Variants in KCNQ1OT1 observed in about 807,000 individuals in gnomAD.
KCNQ1OT1 encodes KCNQ1 opposite strand/antisense transcript 1, also known as KCNQ1 antisense RNA 2 (non-protein coding).
chr11:2,666,693 T>G (rs910808404), exon 1 of KCNQ1OT1: 14 of 398,592 alleles, frequency 3.5e-5, no homozygotes, highest in Non-Finnish European at 5.3e-5. Flanking sequence ...TGGGACATTT[T>G]GGAGACATCC....
At chr11:2,693,786 C>G in exon 1 of KCNQ1OT1, 1 of 398,806 alleles carries the variant, frequency 2.5e-6, no homozygotes, top group Non-Finnish European at 4.4e-6. Context: ...CCGGCCAGTT[C>G]AGAGGAGCAT....
exon 1 of KCNQ1OT1, chr11:2,619,342 G>A: frequency 2.5e-6 from 1 of 398,498 alleles, no homozygotes; most frequent in Admixed American, 4.4e-5. Flanking sequence ...ATATTGAGGA[G>A]TGTTCCTTCT....
At position 2,664,887 on chromosome 11, in the gene KCNQ1OT1, G is replaced by A; in HGVS notation, n.35108C>T. 2.5e-6 allele frequency: 1 copy of A among 398,630 alleles called. No homozygotes were observed. Among genetic ancestry groups the A allele is most frequent in the Non-Finnish European group, 4.4e-6 (1 of 226,074 alleles). 24.7% of individuals were successfully genotyped at this position (398,630 alleles called of 1,614,324 possible). On this transcript the variant is annotated non_coding_transcript_exon_variant, in exon 1 of 1. Coordinates refer to ENST00000597346, the Ensembl canonical transcript of KCNQ1OT1. This position sits in a 1 kb window ranked among gnomAD's most constrained non-coding sequence, Gnocchi z 5.1. ...AATTCAAATTAAAAACATAAATAAA[G>A]ACACATTTTGTTTCCATCTCGAGCT...
At position 2,679,079 on chromosome 11, in the gene KCNQ1OT1, A is replaced by C; in HGVS notation, n.20916T>G. Reference sequence around the variant, plus strand: ...CACCAAAAAAACCCACTAACACCATAAAGTGTCATAGCTAGAGCTAGAGTG... The same window carrying C: ...CACCAAAAAAACCCACTAACACCATCAAGTGTCATAGCTAGAGCTAGAGTG... On this transcript the variant is annotated non_coding_transcript_exon_variant, in exon 1 of 1. Transcript: ENST00000597346. The surrounding 1 kb of genome is among the most constrained non-coding windows in gnomAD (Gnocchi z 4.8). The C allele has an allele frequency of 2.5e-6, 1 of 398,654 alleles. No homozygotes were observed. Among genetic ancestry groups the C allele is most frequent in the Non-Finnish European group, 4.4e-6 (1 of 226,076 alleles). 24.7% of individuals were successfully genotyped at this position (398,654 alleles called of 1,614,324 possible). A position where few individuals can be genotyped will look rare whatever the true frequency, so the allele number is the denominator to read the frequency against.
exon 1 of KCNQ1OT1, chr11:2,656,920 C>G: frequency 2.5e-6 from 1 of 398,598 alleles, no homozygotes; most frequent in East Asian, 3.6e-5. Flanking sequence ...AATTAAGGGT[C>G]CAACTTAATG....
exon 1 of KCNQ1OT1, chr11:2,637,533 A>C (rs1849493718): frequency 1.3e-5 from 2 of 152,222 alleles, no homozygotes; most frequent in Admixed American, 1.3e-4. Context: ...GTTTGATTGC[A>C]CTGTGGTCTG....
rs190609502 is a variant in KCNQ1OT1, at chr11:2,659,829, A to G, written n.40166T>C. 2.5e-5 allele frequency: 10 copies of G among 398,250 alleles called. No homozygotes were observed. In the Admixed American group the frequency reaches 2.6e-4, roughly 11 times the overall value. The allele number at this position is 398,250 out of a possible 1,614,324, so 24.7% of individuals were successfully genotyped here. On this transcript the variant is annotated non_coding_transcript_exon_variant, in exon 1 of 1. Coordinates refer to ENST00000597346, the Ensembl canonical transcript of KCNQ1OT1. This position sits in a 1 kb window ranked among gnomAD's most constrained non-coding sequence, Gnocchi z 4.3. ...TTGTGATTCTAATTTGCATTTCCAT[A>G]TTTATGTTAATTATGTATCTTTTCA...
chr11:2,680,704 TA>T, exon 1 of KCNQ1OT1: 1 of 398,530 alleles, frequency 2.5e-6, no homozygotes, highest in Non-Finnish European at 4.4e-6. Context: ...GTCCCCCTTT[TA>T]TAGCTACCCC....
rs1474513888 is a variant in KCNQ1OT1, at chr11:2,683,562, G to C, written n.16433C>G. The C allele has an allele frequency of 2.5e-6, 1 of 398,506 alleles. No homozygotes were observed. The highest frequency in any genetic ancestry group is 4.4e-6 in the Non-Finnish European group (1 of 226,086). 24.7% of individuals were successfully genotyped at this position (398,506 alleles called of 1,614,324 possible). ...AAAGAGGTAGAAGCCCCTACCTACT[G>C]ACTGGCATCACAAACACTGCCCTGA... On this transcript the variant is annotated non_coding_transcript_exon_variant, in exon 1 of 1. Coordinates refer to ENST00000597346, the Ensembl canonical transcript of KCNQ1OT1. This position sits in a 1 kb window ranked among gnomAD's most constrained non-coding sequence, Gnocchi z 4.7.
exon 1 of KCNQ1OT1, chr11:2,640,308 G>T: frequency 2.5e-6 from 1 of 398,274 alleles, no homozygotes; most frequent in Non-Finnish European, 4.4e-6. Flanking sequence ...CTCACGCTGG[G>T]AGCTATAGAC....
chr11:2,685,264 G>A (rs1850465982), exon 1 of KCNQ1OT1: 7 of 398,544 alleles, frequency 1.8e-5, no homozygotes, highest in South Asian at 1.3e-4. Flanking sequence ...CAGGGCACAC[G>A]TGCCACTGTG....
rs537598032 is a variant in KCNQ1OT1 at position 2,672,661 on chromosome 11, T to C, written n.27334A>G. On this transcript the variant is annotated non_coding_transcript_exon_variant, in exon 1 of 1. Coordinates refer to ENST00000597346, the Ensembl canonical transcript of KCNQ1OT1. ...ATGGAAGCACTGAGACCAGATATGA[T>C]AGGACCTTGCCCAGTGGACACAGCC... is the stretch of plus-strand genomic sequence containing the variant. The C allele has an allele frequency of 2.2e-3, 892 of 398,698 alleles. 1 individual carries two copies. The highest frequency in any genetic ancestry group is 4.4e-3 in the Admixed American group (101 of 22,744). 24.7% of individuals were successfully genotyped at this position (398,698 alleles called of 1,614,324 possible). A position where few individuals can be genotyped will look rare whatever the true frequency, so the allele number is the denominator to read the frequency against.
chr11:2,650,637 A>T, exon 1 of KCNQ1OT1: 1 of 398,662 alleles, frequency 2.5e-6, no homozygotes, highest in Non-Finnish European at 4.4e-6. Flanking sequence ...TGATGTTGCT[A>T]ACTACCTTCA....
In KCNQ1OT1 at chr11:2,673,980, G is replaced by A. The variant is rs954551285; in HGVS notation, n.26015C>T. ...AGCCACAAGGGGATGCCCAGCATTG[G>A]GGGTGGGGTGGGGGGAGGGCCCTCC... On this transcript the variant is annotated non_coding_transcript_exon_variant, in exon 1 of 1. Coordinates refer to ENST00000597346, the Ensembl canonical transcript of KCNQ1OT1. This position sits in a 1 kb window ranked among gnomAD's most constrained non-coding sequence, Gnocchi z 4.5. The A allele has an allele frequency of 2.9e-5, 6 of 207,796 alleles. No individual in the cohort carries two copies. The highest frequency in any genetic ancestry group is 4.7e-5 in the Non-Finnish European group (5 of 107,452). The allele number at this position is 207,796 out of a possible 1,614,324, so 12.9% of individuals were successfully genotyped here.
At chr11:2,699,281 A>C (rs903574012) in exon 1 of KCNQ1OT1, 1 of 398,790 alleles carries the variant, frequency 2.5e-6, no homozygotes, top group Non-Finnish European at 4.4e-6. Context: ...GCCAGGCTGC[A>C]CTGCTGACGC....
chr11:2,613,982 T>C lies in KCNQ1OT1; in HGVS notation n.86013A>G, dbSNP rs1270412139. 1 of 398,502 alleles carries C rather than the reference T, an allele frequency of 2.5e-6. No homozygotes were observed. Among genetic ancestry groups the C allele is most frequent in the Non-Finnish European group, 4.4e-6 (1 of 226,078 alleles). 24.7% of individuals were successfully genotyped at this position (398,502 alleles called of 1,614,324 possible). ...CTCCTAGAAATCACTCAACATCCAT[T>C]CACAGAGATCTTTCTCATTGCATTG... On this transcript the variant is annotated non_coding_transcript_exon_variant, in exon 1 of 1. Coordinates refer to ENST00000597346, the Ensembl canonical transcript of KCNQ1OT1. This position sits in a 1 kb window ranked among gnomAD's most constrained non-coding sequence, Gnocchi z 4.8.
At chr11:2,675,362 G>A (rs1850275181) in exon 1 of KCNQ1OT1, 2 of 398,548 alleles carry the variant, frequency 5.0e-6, no homozygotes, top group Non-Finnish European at 8.8e-6. Context: ...TAAAACACGT[G>A]TGTGCATTAG....
Position 2,642,113 on chromosome 11 carries a change from TG to T in KCNQ1OT1, n.57881del, listed in dbSNP as rs1385202255. 2 of 398,364 alleles carry T rather than the reference TG, an allele frequency of 5.0e-6. No individual in the cohort carries two copies. The highest frequency in any genetic ancestry group is 2.5e-4 in the South Asian group (2 of 7,862). The allele number at this position is 398,364 out of a possible 1,614,324, so 24.7% of individuals were successfully genotyped here. On this transcript the variant is annotated non_coding_transcript_exon_variant, in exon 1 of 1. Transcript: ENST00000597346. The surrounding 1 kb of genome is among the most constrained non-coding windows in gnomAD (Gnocchi z 4.3). ...TGCTGTGGCTATTCCAGCTCTTTTTTGGTTCCATCTGAATTTTAGGATTTTT... is the reference window on the plus strand; with the variant it reads ...TGCTGTGGCTATTCCAGCTCTTTTTTGTTCCATCTGAATTTTAGGATTTTT...
exon 1 of KCNQ1OT1, chr11:2,693,245 C>T (rs906039064): frequency 1.8e-5 from 7 of 398,678 alleles, no homozygotes; most frequent in Non-Finnish European, 3.1e-5. Flanking sequence ...CCAGGGCTAC[C>T]TGTACAGCTA....
Sources: allele counts gnomAD v4.1 joint callset, GRCh38; gene constraint gnomAD v4.1.1; non-coding constraint Gnocchi (gnomAD v3.1); transcripts MANE v1.5; gene names NCBI Gene and HGNC (gene_info 2026-07-23, HGNC 2026-07-21).